MEIS1: variants seen among roughly 807,000 people sequenced by gnomAD.
The protein encoded by MEIS1 is homeobox protein Meis1.
Under a neutral mutation model 50.8 loss-of-function variants are expected in MEIS1, and 5 were observed. The ratio of observed to expected loss-of-function variants is 0.10; its 90% CI spans 0.05 to 0.21. The LOEUF (loss-of-function observed/expected upper bound fraction) is 0.21, where lower values mean the gene tolerates loss of function less well. MEIS1 is among the 10% of genes least tolerant of loss of function. The pLI is 1.00. For missense variants in MEIS1, 318 were observed against 517.3 expected (o/e 0.61, Z 3.74); for synonymous variants, 176 against 179.3 (o/e 0.98, Z 0.15).
chr2:66,522,344 A>G (rs922013247), intron 8 of MEIS1, among the ~76,000 whole-genome samples: 1 of 152,184 alleles, frequency 6.6e-6, no homozygotes, highest in African/African-American at 2.4e-5. Context: ...TTGATAGATG[A>G]GGAAGTTTAC....
At chr2:66,532,765 G>C (rs1234046410) in intron 8 of MEIS1, among the ~76,000 whole-genome samples, 1 of 152,116 alleles carries the variant, frequency 6.6e-6, no homozygotes, top group Non-Finnish European at 1.5e-5. Context: ...TTAAAAATTG[G>C]TGTTGCCATC....
intron 8 of MEIS1, among the ~76,000 whole-genome samples, chr2:66,523,564 G>C (rs1674179537): frequency 6.6e-6 from 1 of 152,192 alleles, no homozygotes; most frequent in Non-Finnish European, 1.5e-5. Context: ...AGGTGAAGAT[G>C]ATGTATTTTG....
intron 7 of MEIS1, among the ~76,000 whole-genome samples, chr2:66,472,114 CA>C (rs1295345091): frequency 2.6e-5 from 4 of 152,272 alleles, no homozygotes; most frequent in Non-Finnish European, 5.9e-5. Context: ...ACTTGTTTTT[CA>C]GGCCAGATCT....
chr2:66,477,237 G>A (rs1453883088), intron 7 of MEIS1, among the ~76,000 whole-genome samples: 2 of 152,200 alleles, frequency 1.3e-5, no homozygotes, highest in Non-Finnish European at 2.9e-5. Flanking sequence ...TACTTAGGCA[G>A]AGGGAGGAGG....
intron 8 of MEIS1, among the ~76,000 whole-genome samples, chr2:66,526,694 C>A (rs1240723999): frequency 6.6e-6 from 1 of 152,026 alleles, no homozygotes; most frequent in African/African-American, 2.4e-5. Context: ...CAAATTTTCA[C>A]AAAGAATTAA....
At chr2:66,439,387 TC>T (rs1264987402) in intron 2 of MEIS1, 1 of 1,246,722 alleles carries the variant, frequency 8.0e-7, no homozygotes. Flanking sequence ...GCCACCGAGA[TC>T]CCCCGAGCCT....
At chr2:66,440,236 C>T (rs1174253677) in intron 3 of MEIS1, 14 of 592,246 alleles carry the variant, frequency 2.4e-5, no homozygotes, top group Non-Finnish European at 3.9e-5. Context: ...CTCCAGAAAG[C>T]AAACGTGGAG....
chr2:66,492,423 C>G (rs1673295277), intron 7 of MEIS1, among the ~76,000 whole-genome samples: 1 of 152,136 alleles, frequency 6.6e-6, no homozygotes, highest in Non-Finnish European at 1.5e-5. Context: ...CTCAGTTCAG[C>G]TTGGTTTGCT....
chr2:66,482,401 G>C (rs1308729975), intron 7 of MEIS1, among the ~76,000 whole-genome samples: 1 of 152,118 alleles, frequency 6.6e-6, no homozygotes, highest in Non-Finnish European at 1.5e-5. Context: ...AAAACAACAG[G>C]ACCTAAGTCA....
chr2:66,458,810 ACTC>A (rs1672453915), intron 6 of MEIS1, among the ~76,000 whole-genome samples: 1 of 152,034 alleles, frequency 6.6e-6, no homozygotes, highest in Admixed American at 6.6e-5. Context: ...AAATTGTACT[ACTC>A]TTTTTTAGAT....
At chr2:66,518,665 A>T (rs186476145) in intron 8 of MEIS1, among the ~76,000 whole-genome samples, 3 of 152,302 alleles carry the variant, frequency 2.0e-5, no homozygotes, top group Non-Finnish European at 2.9e-5. Context: ...ATGCACCTCA[A>T]TTTATCTTTC....
At chr2:66,480,080 C>A (rs1672982168) in intron 7 of MEIS1, among the ~76,000 whole-genome samples, 1 of 152,000 alleles carries the variant, frequency 6.6e-6, no homozygotes, top group African/African-American at 2.4e-5. Context: ...AAGAGGTAAG[C>A]AAATGATTAG....
intron 7 of MEIS1, among the ~76,000 whole-genome samples, chr2:66,472,670 G>A (rs755581970): frequency 1.8e-4 from 28 of 152,196 alleles, no homozygotes; most frequent in Non-Finnish European, 3.5e-4. Context: ...GAAACACAGC[G>A]TGGTGGGTAT....
chr2:66,542,273 A>T (rs1053489330), intron 8 of MEIS1, among the ~76,000 whole-genome samples: 2 of 152,196 alleles, frequency 1.3e-5, no homozygotes, highest in South Asian at 4.1e-4. Flanking sequence ...GTTAAAAACC[A>T]TATGGTAGAT....
chr2:66,541,269 C>A (rs978034661), intron 8 of MEIS1, among the ~76,000 whole-genome samples: 5 of 151,946 alleles, frequency 3.3e-5, no homozygotes, highest in African/African-American at 1.2e-4. Flanking sequence ...GATCTCCTGA[C>A]CTTGTGATCC....
chr2:66,440,279 A>G, intron 3 of MEIS1: 1 of 578,898 alleles, frequency 1.7e-6, no homozygotes, highest in Admixed American at 3.1e-5. Flanking sequence ...CAAGAACACC[A>G]CGGTTGTAGC....
At chr2:66,475,981 G>C (rs1183647667) in intron 7 of MEIS1, among the ~76,000 whole-genome samples, 1 of 152,138 alleles carries the variant, frequency 6.6e-6, no homozygotes, top group Non-Finnish European at 1.5e-5. Flanking sequence ...TTCTTCTCTT[G>C]TCTGTCTCCT....
intron 8 of MEIS1, among the ~76,000 whole-genome samples, chr2:66,536,085 C>A (rs1004919678): frequency 1.3e-5 from 2 of 152,098 alleles, no homozygotes; most frequent in Non-Finnish European, 2.9e-5. Context: ...CTGATTGTTT[C>A]TTTTGCCTCT....
chr2:66,489,472 A>G (rs1673223054), intron 7 of MEIS1, among the ~76,000 whole-genome samples: 1 of 152,142 alleles, frequency 6.6e-6, no homozygotes, highest in South Asian at 2.1e-4. Flanking sequence ...ACACTTTAGG[A>G]TTTTATTGCA....
Sources: allele counts gnomAD v4.1 joint callset (sites outside exome capture counted in the v4.1 genomes callset), GRCh38; gene constraint gnomAD v4.1.1; transcripts MANE v1.5; gene names NCBI Gene and HGNC (gene_info 2026-07-23, HGNC 2026-07-21).